USP40: variants seen among roughly 807,000 people sequenced by gnomAD.
The protein encoded by USP40 is ubiquitin specific peptidase 40.
A neutral mutation model predicts 166.2 loss-of-function variants in USP40; 143 were observed. The ratio of observed to expected loss-of-function variants is 0.86; its 90% CI spans 0.75 to 0.99. The LOEUF is 0.99. USP40 is among the 50% of genes least tolerant of loss of function. USP40 has a pLI of 0.00. For missense variants in USP40, 1,444 were observed against 1,479.7 expected (o/e 0.98, Z 0.40); for synonymous variants, 498 against 524.0 (o/e 0.95, Z 0.68).
chr2:233,491,789 C>A (rs551345858), intron 25 of USP40, among the ~76,000 whole-genome samples: 2 of 152,176 alleles, frequency 1.3e-5, no homozygotes, highest in African/African-American at 2.4e-5. Context: ...GAAATCTTGA[C>A]AATAAGAAGG....
chr2:233,549,046 A>T, intron 8 of USP40, 55 bp downstream of exon 8: 18 of 1,505,346 alleles, frequency 1.2e-5, no homozygotes, highest in Non-Finnish European at 1.5e-5. Flanking sequence ...TCAACAAAAT[A>T]ATAGGAATAG....
In USP40 at chr2:233,533,186, C is replaced by G. The variant is rs2068677654; in HGVS notation, c.1471+293G>C. On this transcript the variant is annotated intron_variant, in intron 11 of 31. Transcript: ENST00000678225. ...AGTCTGAGCATATGGCAATCGCACT[C>G]AAGTTTGCCAACACAAGAAGGTTTT... Among the ~76,000 whole-genome samples the G allele has an allele frequency of 2.0e-5, 3 of 152,220 alleles. No homozygotes were observed. The South Asian group carries it at 6.2e-4, about 32-fold the overall frequency.
In USP40 at chr2:233,493,013, A is replaced by G; in HGVS notation, c.2917+412T>C. ...GCAGTTCCTGAGGGTTTTGAGGCAG[A>G]AAGATTGGAAGACATGTAGGATGTG... On this transcript the variant is annotated intron_variant, in intron 25 of 31. Coordinates refer to ENST00000678225, the MANE Select transcript of USP40 (RefSeq NM_001365479.2). This position sits in a 1 kb window ranked among gnomAD's most constrained non-coding sequence, Gnocchi z 4.7. 4.9e-6 allele frequency: 1 copy of G among 206,114 alleles called. No homozygotes were observed. Among genetic ancestry groups the G allele is most frequent in the African/African-American group, 2.3e-5 (1 of 43,496 alleles). The allele number at this position is 206,114 out of a possible 1,614,324, so 12.8% of individuals were successfully genotyped here.
chr2:233,491,161 T>C lies in USP40; in HGVS notation c.3012+6A>G. The stretch of plus-strand genomic sequence containing the variant: ...CACTAAGTTATGGTGCAGGAAGAAG[T>C]CTGACCTGAGACTTCAGCTCCGCCA... On this transcript the variant is annotated splice_donor_region_variant and intron_variant, in intron 26 of 31. Transcript: ENST00000678225. 6.3e-7 allele frequency: 1 copy of C among 1,596,852 alleles called. No individual in the cohort carries two copies. The highest frequency in any genetic ancestry group is 8.6e-7 in the Non-Finnish European group (1 of 1,169,398).
rs953241451 is a variant in USP40 at position 233,480,948 on chromosome 2, G to T, written c.3599+255C>A. On this transcript the variant is annotated intron_variant, in intron 31 of 31. Coordinates refer to ENST00000678225, the MANE Select transcript of USP40 (RefSeq NM_001365479.2). The surrounding 1 kb of genome is among the most constrained non-coding windows in gnomAD (Gnocchi z 4.5). ...GAGGAGGAAGGAGGGGGACCGGGGG[G>T]CCATGGATCTGCGGGCTCCTCATCG... is the stretch of plus-strand genomic sequence containing the variant. 6.6e-6 allele frequency among the ~76,000 whole-genome samples: 1 copy of T among 152,132 alleles called. No individual in the cohort carries two copies. The highest frequency in any genetic ancestry group is 1.5e-5 in the Non-Finnish European group (1 of 68,016).
intron 6 of USP40, among the ~76,000 whole-genome samples, chr2:233,553,025 C>T (rs567794652): frequency 1.4e-4 from 21 of 152,240 alleles, no homozygotes; most frequent in African/African-American, 4.6e-4. Flanking sequence ...AACGTCACCA[C>T]TGCAGATAAT....
Position 233,523,458 on chromosome 2 carries a change from T to A in USP40, c.1913A>T (p.Asp638Val). ...VGGVHIQTGIDCEPLLLNVLH... is the reference protein window; with the variant it reads ...VGGVHIQTGIVCEPLLLNVLH... ...AACATTTAAAAGTAGAGGTTCGCAG[T>A]CAATACCAGTTTGAATGTGGACTCC... is the stretch of plus-strand genomic sequence containing the variant. Residue 638 changes from aspartate (D) to valine (V), a missense_variant, in exon 16 of 32, where the codon GAC becomes GTC. Physicochemically the swap from Asp to Val is radical, Grantham distance 152. Transcript: ENST00000678225. 6.2e-7 allele frequency: 1 copy of A among 1,613,806 alleles called. No individual in the cohort carries two copies. Among genetic ancestry groups the A allele is most frequent in the Non-Finnish European group, 8.5e-7 (1 of 1,179,802 alleles).
At chr2:233,543,021 C>T (rs2069568465) in intron 8 of USP40, among the ~76,000 whole-genome samples, 2 of 152,178 alleles carry the variant, frequency 1.3e-5, no homozygotes, top group South Asian at 4.1e-4. Flanking sequence ...TAAGGAAATT[C>T]TACTCATCTT....
At chr2:233,488,573 G>A (rs188017441) in intron 27 of USP40, among the ~76,000 whole-genome samples, 164 of 152,334 alleles carry the variant, frequency 1.1e-3, no homozygotes, top group Non-Finnish European at 1.6e-3. Flanking sequence ...TTCAGCCGGG[G>A]TTAAGATTCT....
intron 21 of USP40, among the ~76,000 whole-genome samples, chr2:233,505,299 C>T (rs1460743164): frequency 2.6e-5 from 4 of 151,964 alleles, no homozygotes; most frequent in African/African-American, 9.7e-5. Flanking sequence ...AACATAAGGA[C>T]AAACTAAACC....
chr2:233,525,472 T>C lies in USP40; in HGVS notation c.1810+6A>G, dbSNP rs2067953802. On this transcript the variant is annotated splice_donor_region_variant and intron_variant, in intron 14 of 31. Coordinates refer to ENST00000678225, the MANE Select transcript of USP40 (RefSeq NM_001365479.2). Reference sequence around the variant, plus strand: ...GTGAGTTGCTATGTTTTCATATTTATCTTACCGCCAAGTGACTGGTAAATG... The same window carrying C: ...GTGAGTTGCTATGTTTTCATATTTACCTTACCGCCAAGTGACTGGTAAATG... 3.7e-6 allele frequency: 6 copies of C among 1,610,446 alleles called. No individual in the cohort carries two copies. Among genetic ancestry groups the C allele is most frequent in the Non-Finnish European group, 5.1e-6 (6 of 1,177,178 alleles).
At chr2:233,479,627 A>ATGTGTGTGTGTG (rs972806782) in intron 31 of USP40, among the ~76,000 whole-genome samples, 4 of 123,460 alleles carry the variant, frequency 3.2e-5, no homozygotes, top group African/African-American at 1.3e-4. Flanking sequence ...ATAGAATTTT[A>ATGTGTGTGTGTG]CGTGTGTGTG....
chr2:233,520,933 A>C, intron 17 of USP40, 58 bp downstream of exon 17: 2 of 1,559,016 alleles, frequency 1.3e-6, no homozygotes, highest in Non-Finnish European at 1.7e-6. Context: ...ATTGTTTTCT[A>C]AATAAAATTC....
At position 233,523,581 on chromosome 2, in the gene USP40, C is replaced by T. The variant is rs536670712; in HGVS notation, c.1882-92G>A. The stretch of plus-strand genomic sequence containing the variant: ...AAAAGATTACTCTTAGAGAACAACC[C>T]TCATTTTTTCCAAGTAAAATAAAAT... On this transcript the variant is annotated intron_variant, in intron 15 of 31. Transcript: ENST00000678225. 22 of 1,191,518 alleles carry T rather than the reference C, an allele frequency of 1.8e-5. No individual in the cohort carries two copies. In the Admixed American group the frequency reaches 2.7e-4, roughly 15 times the overall value. 73.8% of individuals were successfully genotyped at this position (1,191,518 alleles called of 1,614,324 possible).
intron 6 of USP40, among the ~76,000 whole-genome samples, chr2:233,552,322 A>T (rs11676524): frequency 0.13 from 19,897 of 152,030 alleles, 1,441 homozygotes; most frequent in African/African-American, 0.2. Context: ...ATTCAACTAT[A>T]ATGTGGCTGA....
At chr2:233,560,989 G>A (rs1272763184) in intron 3 of USP40, 16 of 800,160 alleles carry the variant, frequency 2.0e-5, no homozygotes, top group African/African-American at 3.4e-5. Context: ...ATTCTTTCTC[G>A]GAAGGCAAAT....
At chr2:233,498,991 T>G (rs2065902499) in intron 22 of USP40, among the ~76,000 whole-genome samples, 1 of 152,154 alleles carries the variant, frequency 6.6e-6, no homozygotes, top group Non-Finnish European at 1.5e-5. Flanking sequence ...GTATACATCT[T>G]AGCGTTCTTT....
chr2:233,560,142 A>G (rs985399253), intron 3 of USP40, among the ~76,000 whole-genome samples: 2 of 152,226 alleles, frequency 1.3e-5, no homozygotes, highest in African/African-American at 4.8e-5. Flanking sequence ...TTCTACCTTG[A>G]TATGGTTCAG....
intron 23 of USP40, among the ~76,000 whole-genome samples, chr2:233,498,120 C>G (rs920995159): frequency 6.6e-6 from 1 of 152,200 alleles, no homozygotes; most frequent in Non-Finnish European, 1.5e-5. Context: ...TTGGCTGGAT[C>G]GAGAGTTTGG....
Sources: gnomAD v4.1 joint callset for allele counts (sites outside exome capture counted in the v4.1 genomes callset) on GRCh38, gnomAD v4.1.1 for gene constraint, Gnocchi (gnomAD v3.1) non-coding constraint, MANE v1.5 for transcripts, NCBI Gene and HGNC (gene_info 2026-07-23, HGNC 2026-07-21) for gene names.